The following LRRTM4 variants were observed in gnomAD, a reference collection of about 807,000 sequenced individuals.
LRRTM4 encodes leucine-rich repeat transmembrane neuronal protein 4.
LRRTM4 carries 25 observed loss-of-function variants against 47.6 expected under a neutral mutation model. That is an observed-to-expected ratio of 0.53 (90% CI 0.38 to 0.73). The LOEUF (loss-of-function observed/expected upper bound fraction) is 0.73. LRRTM4 is among the 30% of genes least tolerant of loss of function. The probability of loss-of-function intolerance (pLI) is 0.00; values close to 1 mark genes in which losing one functional copy is unlikely to be tolerated. For missense variants in LRRTM4, 638 were observed against 713.4 expected (o/e 0.89, Z 1.20); for synonymous variants, 311 against 269.5 (o/e 1.15, Z -1.51).
intron 3 of LRRTM4, among the ~76,000 whole-genome samples, chr2:77,348,592 T>G (rs1671651490): frequency 1.3e-5 from 2 of 150,440 alleles, no homozygotes; most frequent in Admixed American, 1.3e-4. Context: ...AGAATATATC[T>G]GTAAGAATAT....
At chr2:77,411,422 T>TTCTTTC (rs1472469926) in intron 3 of LRRTM4, among the ~76,000 whole-genome samples, 14 of 94,350 alleles carry the variant, frequency 1.5e-4, no homozygotes, top group African/African-American at 2.5e-4. Context: ...TCTTTCTTGT[T>TTCTTTC]TCTCTCTCTC....
intron 3 of LRRTM4, among the ~76,000 whole-genome samples, chr2:77,479,762 C>T (rs940197354): frequency 6.6e-6 from 1 of 151,724 alleles, no homozygotes; most frequent in Non-Finnish European, 1.5e-5. Flanking sequence ...TTCTCTCTCT[C>T]TTTCTCTTCT....
intron 3 of LRRTM4, among the ~76,000 whole-genome samples, chr2:76,895,542 C>T (rs1673384154): frequency 6.6e-6 from 1 of 152,042 alleles, no homozygotes; most frequent in Admixed American, 6.6e-5. Flanking sequence ...CCAGTTGTGG[C>T]TTCTCGCAAA....
chr2:77,211,885 A>G (rs1018152024), intron 3 of LRRTM4, among the ~76,000 whole-genome samples: 1 of 152,118 alleles, frequency 6.6e-6, no homozygotes, highest in African/African-American at 2.4e-5. Context: ...TAATTTTCCC[A>G]TGCAATTAAA....
intron 3 of LRRTM4, among the ~76,000 whole-genome samples, chr2:77,417,740 A>T (rs1171623757): frequency 6.7e-6 from 1 of 149,620 alleles, no homozygotes; most frequent in Non-Finnish European, 1.5e-5. Flanking sequence ...AGGAAGGGGA[A>T]CATCACACAC....
At chr2:77,174,096 C>T (rs1673127224) in intron 3 of LRRTM4, among the ~76,000 whole-genome samples, 1 of 152,054 alleles carries the variant, frequency 6.6e-6, no homozygotes. Flanking sequence ...TGCCTGGCTC[C>T]ATATCACCCC....
intron 3 of LRRTM4, among the ~76,000 whole-genome samples, chr2:76,781,644 G>A (rs1022312351): frequency 6.6e-6 from 1 of 152,184 alleles, no homozygotes; most frequent in African/African-American, 2.4e-5. Flanking sequence ...ACTGACCTGC[G>A]CCCACTGTCT....
chr2:77,057,597 C>A (rs1054107966), intron 3 of LRRTM4, among the ~76,000 whole-genome samples: 1 of 152,064 alleles, frequency 6.6e-6, no homozygotes, highest in East Asian at 1.9e-4. Context: ...AAGAACCAAC[C>A]CAGCTAGTCC....
chr2:77,317,958 GT>G (rs1677663453), intron 3 of LRRTM4, among the ~76,000 whole-genome samples: 2 of 127,794 alleles, frequency 1.6e-5, no homozygotes, highest in African/African-American at 5.8e-5. Flanking sequence ...ATGTATTATT[GT>G]TTTTATCTCT....
intron 3 of LRRTM4, among the ~76,000 whole-genome samples, chr2:77,265,896 T>C (rs2104054378): frequency 2.0e-5 from 3 of 152,296 alleles, no homozygotes; most frequent in Admixed American, 2.0e-4. Context: ...CCTTACAAAA[T>C]AAATTTCAGA....
At chr2:77,159,305 A>G (rs1028990043) in intron 3 of LRRTM4, among the ~76,000 whole-genome samples, 2 of 152,168 alleles carry the variant, frequency 1.3e-5, no homozygotes, top group Non-Finnish European at 2.9e-5. Flanking sequence ...CATTTTGTGT[A>G]TGTATTACAT....
At chr2:76,774,175 G>C (rs112610732) in intron 3 of LRRTM4, among the ~76,000 whole-genome samples, 1 of 146,072 alleles carries the variant, frequency 6.8e-6, no homozygotes, top group Non-Finnish European at 1.5e-5. Flanking sequence ...AAAGAAAAGG[G>C]AACTTTTTTT....
At chr2:77,159,425 G>A (rs151153724) in intron 3 of LRRTM4, among the ~76,000 whole-genome samples, 1 of 150,918 alleles carries the variant, frequency 6.6e-6, no homozygotes, top group Non-Finnish European at 1.5e-5. Flanking sequence ...TAATGTAAAT[G>A]ACGAATTAAT....
At chr2:77,134,556 G>A (rs1053158553) in intron 3 of LRRTM4, among the ~76,000 whole-genome samples, 1 of 152,102 alleles carries the variant, frequency 6.6e-6, no homozygotes, top group African/African-American at 2.4e-5. Context: ...TGGACTTAAT[G>A]CTTCAGTTTT....
rs537662048 is a variant in LRRTM4, at chr2:76,855,155, C to A, written c.1552-106239G>T. On this transcript the variant is annotated intron_variant, in intron 3 of 3. Transcript: ENST00000409884. ...AGGCGGTTGCTCAGGAGCCTGCTTG[C>A]GGAGACATCAGGAGCAACGTTAGCA... Among the ~76,000 whole-genome samples, 6 of 152,226 alleles carry A rather than the reference C, an allele frequency of 3.9e-5. No individual in the cohort carries two copies. In the East Asian group the frequency reaches 1.2e-3, roughly 29 times the overall value.
At chr2:77,477,963 G>T (rs950650275) in intron 3 of LRRTM4, among the ~76,000 whole-genome samples, 2 of 115,632 alleles carry the variant, frequency 1.7e-5, no homozygotes, top group Non-Finnish European at 3.7e-5. Context: ...AAGAAAGAAA[G>T]AAAGAAAAAG....
rs150441689 is a variant in LRRTM4, at chr2:77,480,785, AGTGTGT to A, written c.1551+37527_1551+37532del. ...ACTTGCTATGTGTGGCTGTTTTAGGAGTGTGTGTGTGTGTGTGTGTGTGTGTGTGTG... is the reference window on the plus strand; with the variant it reads ...ACTTGCTATGTGTGGCTGTTTTAGGAGTGTGTGTGTGTGTGTGTGTGTGTG... On this transcript the variant is annotated intron_variant, in intron 3 of 3. Transcript: ENST00000409884. Among the ~76,000 whole-genome samples the A allele has an allele frequency of 3.8e-3, 386 of 102,238 alleles. 3 individuals are homozygous for A. Among genetic ancestry groups the A allele is most frequent in the East Asian group, 0.014 (36 of 2,486 alleles). 67.1% of individuals were successfully genotyped at this position (102,238 alleles called of 152,430 possible).
intron 3 of LRRTM4, among the ~76,000 whole-genome samples, chr2:77,156,897 T>A (rs1297053292): frequency 3.9e-5 from 6 of 152,000 alleles, no homozygotes; most frequent in African/African-American, 4.8e-5. Context: ...GCTTTTATTT[T>A]TTTTTTTCTC....
intron 3 of LRRTM4, among the ~76,000 whole-genome samples, chr2:76,928,444 G>A (rs1674660281): frequency 6.6e-6 from 1 of 152,136 alleles, no homozygotes; most frequent in Non-Finnish European, 1.5e-5. Context: ...TCTGCAGCGT[G>A]CCTATGGGCC....
Sources: allele counts gnomAD v4.1 joint callset (sites outside exome capture counted in the v4.1 genomes callset), GRCh38; gene constraint gnomAD v4.1.1; transcripts MANE v1.5; gene names NCBI Gene and HGNC (gene_info 2026-07-23, HGNC 2026-07-21).